TRPC7: variants seen among roughly 807,000 people sequenced by gnomAD.
The protein encoded by TRPC7 is short transient receptor potential channel 7.
A neutral mutation model predicts 90.1 loss-of-function variants in TRPC7; 42 were observed. That is an observed-to-expected ratio of 0.47 (90% confidence interval 0.36 to 0.60). The LOEUF (loss-of-function observed/expected upper bound fraction) is 0.60. Ranked by LOEUF, TRPC7 falls within the 20% of genes least tolerant of loss-of-function variation. The pLI is 0.00. For synonymous variants in TRPC7, 451 were observed against 436.3 expected (o/e 1.03, Z -0.42); for missense variants, 955 against 1,112.3 (o/e 0.86, Z 2.01).
At chr5:136,334,800 A>C (rs1580967925) in intron 2 of TRPC7, among the ~76,000 whole-genome samples, 1 of 152,218 alleles carries the variant, frequency 6.6e-6, no homozygotes, top group African/African-American at 2.4e-5. Flanking sequence ...TCTTATTTAT[A>C]AGGAAGCTGA....
Position 136,274,650 on chromosome 5 carries a change from C to T in TRPC7, c.1128+23G>A, listed in dbSNP as rs771092808. On this transcript the variant is annotated intron_variant, in intron 4 of 11. Coordinates refer to ENST00000513104, the MANE Select transcript of TRPC7 (RefSeq NM_020389.3). ...AGAGAGAAGAAATAACCGCAAACGA[C>T]ATGCACCTTAAGCAGTCTGTACCTT... is the stretch of plus-strand genomic sequence containing the variant. 2.5e-6 allele frequency: 4 copies of T among 1,575,922 alleles called. No homozygotes were observed. The South Asian group carries it at 3.5e-5, about 14-fold the overall frequency.
At chr5:136,328,353 T>C (rs1194829629) in intron 2 of TRPC7, among the ~76,000 whole-genome samples, 1 of 152,194 alleles carries the variant, frequency 6.6e-6, no homozygotes, top group Admixed American at 6.5e-5. Context: ...TGACTTTATA[T>C]GCTCTCTGCA....
At position 136,357,394 on chromosome 5, in the gene TRPC7, C is replaced by G. The variant is rs1580994248; in HGVS notation, c.3-9G>C. ...AGGTGCTGTTCCTCAACCTATGGGA[C>G]AAGGCAAAGATGCCCTGTTACTTTC... is the stretch of plus-strand genomic sequence containing the variant. On this transcript the variant is annotated splice_polypyrimidine_tract_variant and intron_variant, in intron 1 of 11. Transcript: ENST00000513104. 1 of 1,579,716 alleles carries G rather than the reference C, an allele frequency of 6.3e-7. No individual in the cohort carries two copies. Among genetic ancestry groups the G allele is most frequent in the East Asian group, 2.2e-5 (1 of 44,488 alleles).
chr5:136,340,401 T>C (rs1759808868), intron 2 of TRPC7, among the ~76,000 whole-genome samples: 1 of 152,140 alleles, frequency 6.6e-6, no homozygotes, highest in Non-Finnish European at 1.5e-5. Flanking sequence ...ATGGTAACTA[T>C]AGATTATAAT....
In TRPC7 at chr5:136,345,555, C is replaced by T. The variant is rs776055272; in HGVS notation, c.780+11053G>A. ...CAGGCTGGGTGACAGAGCGAGACTC[C>T]GCCTCAAAAAAAAAAATGAGTCCTT... On this transcript the variant is annotated intron_variant, in intron 2 of 11. Coordinates refer to ENST00000513104, the MANE Select transcript of TRPC7 (RefSeq NM_020389.3). Among the ~76,000 whole-genome samples the T allele has an allele frequency of 1.7e-4, 25 of 150,954 alleles. 1 individual carries two copies. The Middle Eastern group carries it at 0.017, about 103-fold the overall frequency.
intron 10 of TRPC7, 44 bp from the exon 11 acceptor site, chr5:136,216,319 T>C (rs376328089): frequency 9.9e-6 from 15 of 1,507,952 alleles, no homozygotes; most frequent in African/African-American, 9.6e-5. Context: ...GCTGGCCTAA[T>C]GCAGAGGCAG....
intron 3 of TRPC7, among the ~76,000 whole-genome samples, chr5:136,288,753 C>A (rs1757824139): frequency 1.3e-5 from 2 of 152,192 alleles, no homozygotes; most frequent in Non-Finnish European, 2.9e-5. Flanking sequence ...AGGAAGAAAT[C>A]TTTAACAACC....
intron 3 of TRPC7, among the ~76,000 whole-genome samples, chr5:136,315,155 T>G (rs1362384017): frequency 6.6e-6 from 1 of 152,216 alleles, no homozygotes; most frequent in Non-Finnish European, 1.5e-5. Flanking sequence ...ATAAGCTCTT[T>G]ACATTAATAC....
chr5:136,259,505 A>T (rs917707938), intron 5 of TRPC7, among the ~76,000 whole-genome samples: 1 of 152,236 alleles, frequency 6.6e-6, no homozygotes, highest in Admixed American at 6.5e-5. Flanking sequence ...TTACTCCTAG[A>T]TGGAGAAATC....
chr5:136,296,870 C>A (rs1265738805), intron 3 of TRPC7, among the ~76,000 whole-genome samples: 1 of 152,320 alleles, frequency 6.6e-6, no homozygotes, highest in African/African-American at 2.4e-5. Context: ...TGGAGCTGAG[C>A]CCTTTGGCCA....
chr5:136,231,586 A>C (rs527449897), intron 7 of TRPC7, 37 bp from the exon 8 acceptor site: 2 of 1,530,204 alleles, frequency 1.3e-6, no homozygotes, highest in South Asian at 2.5e-5. Context: ...CGCAGTTTGC[A>C]TCAGCTTGAA....
intron 10 of TRPC7, among the ~76,000 whole-genome samples, chr5:136,222,710 G>C (rs1011514859): frequency 6.6e-6 from 1 of 152,216 alleles, no homozygotes; most frequent in African/African-American, 2.4e-5. Context: ...GAAAGGTTCT[G>C]AGGAGGGTGC....
chr5:136,213,683 C>T, intron 11 of TRPC7, 79 bp from the exon 12 acceptor site: 2 of 1,497,054 alleles, frequency 1.3e-6, no homozygotes, highest in Admixed American at 3.6e-5. Context: ...TGGGCATGTG[C>T]ATCCTTCCAG....
intron 2 of TRPC7, among the ~76,000 whole-genome samples, chr5:136,335,179 T>C (rs1759614571): frequency 1.3e-5 from 2 of 152,154 alleles, no homozygotes; most frequent in South Asian, 4.1e-4. Flanking sequence ...GACACCTATC[T>C]GCTGACAATT....
At chr5:136,300,571 C>G in intron 3 of TRPC7, among the ~76,000 whole-genome samples, 1 of 152,220 alleles carries the variant, frequency 6.6e-6, no homozygotes, top group East Asian at 1.9e-4. Context: ...TGGATTCTAA[C>G]AGTGTTTGGC....
At chr5:136,234,996 A>G (rs954230899) in intron 7 of TRPC7, among the ~76,000 whole-genome samples, 9 of 152,222 alleles carry the variant, frequency 5.9e-5, no homozygotes, top group African/African-American at 2.2e-4. Flanking sequence ...TTAAAAAAAA[A>G]ATTCATGGTA....
chr5:136,213,252 G>A lies in TRPC7; in HGVS notation c.*183C>T. On this transcript the variant is annotated 3_prime_UTR_variant, in exon 12 of 12. Transcript: ENST00000513104. ...TACCCAACCACCTAGATTCACAGCAGTTCTGGGTCTAGGCAGGCCAGCGGG... is the reference window on the plus strand; with the variant it reads ...TACCCAACCACCTAGATTCACAGCAATTCTGGGTCTAGGCAGGCCAGCGGG... 1 of 638,800 alleles carries A rather than the reference G, an allele frequency of 1.6e-6. No individual in the cohort carries two copies. Among genetic ancestry groups the A allele is most frequent in the Non-Finnish European group, 2.7e-6 (1 of 371,678 alleles). The allele number at this position is 638,800 out of a possible 1,614,324, so 39.6% of individuals were successfully genotyped here.
At chr5:136,308,286 G>A (rs142781036) in intron 3 of TRPC7, among the ~76,000 whole-genome samples, 2 of 152,336 alleles carry the variant, frequency 1.3e-5, no homozygotes, top group African/African-American at 2.4e-5. Context: ...CGAGATCCAC[G>A]GAAGTGCTTA....
In TRPC7 at chr5:136,315,588, G is replaced by T; in HGVS notation, c.963+9C>A. 6.2e-7 allele frequency: 1 copy of T among 1,613,226 alleles called. No individual in the cohort carries two copies. The highest frequency in any genetic ancestry group is 8.5e-7 in the Non-Finnish European group (1 of 1,179,356). On this transcript the variant is annotated intron_variant, in intron 3 of 11. Transcript: ENST00000513104. ...AGATGGGAAGACCAGGAGAGATGGG[G>T]GAGCTTACCTTCTTGACTTCATATT...
Sources: allele counts gnomAD v4.1 joint callset (sites outside exome capture counted in the v4.1 genomes callset), GRCh38; gene constraint gnomAD v4.1.1; transcripts MANE v1.5; gene names NCBI Gene and HGNC (gene_info 2026-07-23, HGNC 2026-07-21).